Variants in MAN2A1 observed in about 807,000 individuals in gnomAD.
MAN2A1 encodes alpha-mannosidase 2.
Under a neutral mutation model 142.6 loss-of-function variants are expected in MAN2A1, and 76 were observed. The ratio of observed to expected loss-of-function variants is 0.53; its 90% confidence interval spans 0.44 to 0.65. The LOEUF (loss-of-function observed/expected upper bound fraction) is 0.65. Ranked by LOEUF, MAN2A1 falls within the 30% of genes least tolerant of loss-of-function variation. The probability of loss-of-function intolerance (pLI) is 0.00; values close to 1 mark genes in which losing one functional copy is unlikely to be tolerated. For synonymous variants in MAN2A1, 559 were observed against 473.2 expected (o/e 1.18, Z -2.35); for missense variants, 1,311 against 1,365.1 (o/e 0.96, Z 0.62).
At chr5:109,800,004 C>A (rs999595453) in intron 12 of MAN2A1, among the ~76,000 whole-genome samples, 1 of 150,514 alleles carries the variant, frequency 6.6e-6, no homozygotes, top group African/African-American at 2.4e-5. Context: ...AGGAGAATTG[C>A]TTGAACCGGG....
intron 1 of MAN2A1, among the ~76,000 whole-genome samples, chr5:109,705,661 A>G (rs115306093): frequency 9.8e-5 from 15 of 152,332 alleles, no homozygotes; most frequent in African/African-American, 3.6e-4. Context: ...GTGGCGTAAA[A>G]CAAGAAAAAT....
At chr5:109,728,203 C>G (rs1415269461) in intron 3 of MAN2A1, among the ~76,000 whole-genome samples, 6 of 152,160 alleles carry the variant, frequency 3.9e-5, no homozygotes, top group Non-Finnish European at 8.8e-5. Context: ...AGCTCATATT[C>G]ACATTGTCAG....
Position 109,867,161 on chromosome 5 carries a change from A to T in MAN2A1, c.*163A>T. On this transcript the variant is annotated 3_prime_UTR_variant, in exon 22 of 22. Transcript: ENST00000261483. ...TTTCTTTTACCAGTACAGTAAGAAA[A>T]AAAAAAAAAAAAAAAAAGCCATGCT... is the stretch of plus-strand genomic sequence containing the variant. 4 of 363,798 alleles carry T rather than the reference A, an allele frequency of 1.1e-5. No homozygotes were observed. The highest frequency in any genetic ancestry group is 4.7e-5 in the Admixed American group (1 of 21,354). 22.5% of individuals were successfully genotyped at this position (363,798 alleles called of 1,614,324 possible). A position where few individuals can be genotyped will look rare whatever the true frequency, so the allele number is the denominator to read the frequency against.
At chr5:109,825,017 C>T (rs1754720638) in intron 16 of MAN2A1, among the ~76,000 whole-genome samples, 2 of 152,220 alleles carry the variant, frequency 1.3e-5, no homozygotes, top group Middle Eastern at 3.4e-3. Flanking sequence ...AAAAATAATG[C>T]TAGACACTAA....
At chr5:109,748,090 A>G (rs536480675) in intron 4 of MAN2A1, among the ~76,000 whole-genome samples, 2 of 152,226 alleles carry the variant, frequency 1.3e-5, no homozygotes, top group African/African-American at 4.8e-5. Context: ...TATTTAGTGT[A>G]TCTTTTGTCT....
intron 12 of MAN2A1, among the ~76,000 whole-genome samples, chr5:109,809,801 G>C (rs1005557862): frequency 1.3e-5 from 2 of 152,004 alleles, no homozygotes; most frequent in African/African-American, 4.8e-5. Flanking sequence ...CAGCTATTCA[G>C]GTAATTATAT....
At chr5:109,762,904 TA>T (rs886995197) in intron 5 of MAN2A1, among the ~76,000 whole-genome samples, 1 of 152,338 alleles carries the variant, frequency 6.6e-6, no homozygotes, top group East Asian at 1.9e-4. Flanking sequence ...ACATCCCATC[TA>T]AAAAATAATA....
chr5:109,771,544 A>C (rs919111594), intron 7 of MAN2A1, among the ~76,000 whole-genome samples: 7 of 152,192 alleles, frequency 4.6e-5, no homozygotes, highest in African/African-American at 1.7e-4. Flanking sequence ...TTATTTAGAA[A>C]AACTGCCCAA....
intron 12 of MAN2A1, chr5:109,794,222 G>A (rs1281830826): frequency 5.3e-5 from 8 of 152,118 alleles, no homozygotes; most frequent in African/African-American, 1.4e-4. Flanking sequence ...GAACCAAGGC[G>A]GCTCTAGTCT....
intron 4 of MAN2A1, among the ~76,000 whole-genome samples, chr5:109,731,186 C>G (rs1405371663): frequency 6.6e-6 from 1 of 151,574 alleles, no homozygotes; most frequent in Non-Finnish European, 1.5e-5. Flanking sequence ...TATCTGTCAC[C>G]TCAAACATTT....
chr5:109,852,148 A>C (rs28672263), intron 19 of MAN2A1, among the ~76,000 whole-genome samples: 24 of 144,260 alleles, frequency 1.7e-4, no homozygotes, highest in East Asian at 3.9e-4. Flanking sequence ...TAAAAACAAA[A>C]AAAAAAAAAC....
In MAN2A1 at chr5:109,855,134, T is replaced by C; in HGVS notation, c.2977-6T>C. ...CCTCTTAAACATTTTTGTTTTTTCT[T>C]GATAGGAAGAAGAAAAGAAGTCGGT... On this transcript the variant is annotated splice_polypyrimidine_tract_variant and splice_region_variant and intron_variant, in intron 19 of 21. Transcript: ENST00000261483. The C allele has an allele frequency of 6.6e-7, 1 of 1,523,936 alleles. No individual in the cohort carries two copies. Among genetic ancestry groups the C allele is most frequent in the Non-Finnish European group, 8.8e-7 (1 of 1,142,580 alleles). 94.4% of individuals were successfully genotyped at this position (1,523,936 alleles called of 1,614,324 possible).
At chr5:109,712,062 C>T (rs1193089387) in intron 1 of MAN2A1, among the ~76,000 whole-genome samples, 1 of 151,530 alleles carries the variant, frequency 6.6e-6, no homozygotes, top group Non-Finnish European at 1.5e-5. Context: ...CCAACCACTG[C>T]CACCCCCAGT....
At chr5:109,735,141 T>C (rs1458713061) in intron 4 of MAN2A1, among the ~76,000 whole-genome samples, 1 of 152,194 alleles carries the variant, frequency 6.6e-6, no homozygotes, top group African/African-American at 2.4e-5. Context: ...CTTCTTTGTC[T>C]CTTTTGATCT....
At chr5:109,695,468 A>T (rs989698919) in intron 1 of MAN2A1, among the ~76,000 whole-genome samples, 1 of 152,176 alleles carries the variant, frequency 6.6e-6, no homozygotes, top group Non-Finnish European at 1.5e-5. Flanking sequence ...TCTTTTTTGA[A>T]GGACTGAAGT....
At chr5:109,736,475 C>T (rs574694230) in intron 4 of MAN2A1, among the ~76,000 whole-genome samples, 14 of 152,176 alleles carry the variant, frequency 9.2e-5, no homozygotes, top group Admixed American at 5.9e-4. Context: ...TGTGATCATG[C>T]CCCTGCACTC....
intron 19 of MAN2A1, among the ~76,000 whole-genome samples, chr5:109,849,061 G>A (rs1466129689): frequency 6.6e-6 from 1 of 152,136 alleles, no homozygotes; most frequent in African/African-American, 2.4e-5. Flanking sequence ...CTAAAATACT[G>A]CCTTGCCAGG....
chr5:109,839,637 C>A (rs1755147143), intron 16 of MAN2A1, among the ~76,000 whole-genome samples: 1 of 148,922 alleles, frequency 6.7e-6, no homozygotes, highest in African/African-American at 2.5e-5. Context: ...CATAGTGAGG[C>A]CCTGTCTCTC....
In MAN2A1 at chr5:109,867,071, C is replaced by CT; in HGVS notation, c.*73_*74insT. 1.6e-6 allele frequency: 2 copies of CT among 1,261,270 alleles called. No individual in the cohort carries two copies. The highest frequency in any genetic ancestry group is 2.2e-6 in the Non-Finnish European group (2 of 924,272). The allele number at this position is 1,261,270 out of a possible 1,614,324, so 78.1% of individuals were successfully genotyped here. ...CTTGGTTTGACGTGCAATAAAGAAG[C>CT]ACATTATTTTAGCTTCTGGCTACTG... On this transcript the variant is annotated 3_prime_UTR_variant, in exon 22 of 22. Transcript: ENST00000261483.
Sources: allele counts gnomAD v4.1 joint callset (sites outside exome capture counted in the v4.1 genomes callset), GRCh38; gene constraint gnomAD v4.1.1; transcripts MANE v1.5; gene names NCBI Gene and HGNC (gene_info 2026-07-23, HGNC 2026-07-21).